The following PTPRS variants were observed in gnomAD, a reference collection of about 807,000 sequenced individuals.
PTPRS encodes protein tyrosine phosphatase receptor type S, also known as receptor-type tyrosine-protein phosphatase S.
Under a neutral mutation model 215.3 loss-of-function variants are expected in PTPRS, and 63 were observed. The ratio of observed to expected loss-of-function variants is 0.29; its 90% CI spans 0.24 to 0.36. The LOEUF (loss-of-function observed/expected upper bound fraction) is 0.36. Ranked by LOEUF, PTPRS falls within the 10% of genes least tolerant of loss-of-function variation. The pLI, the probability that PTPRS is intolerant of heterozygous loss-of-function variation, is 1.00. For synonymous variants in PTPRS, 1,404 were observed against 1,191.4 expected, an observed-to-expected ratio of 1.18 and a Z score of -3.68; for missense variants, 2,258 against 2,825.8, an observed-to-expected ratio of 0.80 and a Z score of 4.56.
intron 1 of PTPRS, among the ~76,000 whole-genome samples, chr19:5,326,785 AGGAAGGAG>A (rs1168534734): frequency 5.9e-5 from 4 of 68,372 alleles, no homozygotes; most frequent in Non-Finnish European, 1.1e-4. Flanking sequence ...AAGAGAAGGA[AGGAAGGAG>A]GGAGGGAGGG....
chr19:5,279,110 C>CG (rs1193606485), intron 2 of PTPRS, among the ~76,000 whole-genome samples: 3 of 151,542 alleles, frequency 2.0e-5, no homozygotes, highest in Non-Finnish European at 4.4e-5. Context: ...CGCTTGAACC[C>CG]GGGAGGTGGA....
intron 2 of PTPRS, among the ~76,000 whole-genome samples, chr19:5,279,929 C>G (rs1312719615): frequency 1.3e-5 from 2 of 152,196 alleles, no homozygotes; most frequent in South Asian, 4.1e-4. Context: ...GTGATCCACC[C>G]ACCTTGGCCT....
chr19:5,219,882 G>A (rs1430330760), intron 22 of PTPRS, 57 bp downstream of exon 22: 8 of 1,556,604 alleles, frequency 5.1e-6, no homozygotes, highest in East Asian at 4.5e-5. Flanking sequence ...CTGGGGAATG[G>A]GGTCTGCCTC....
intron 1 of PTPRS, among the ~76,000 whole-genome samples, chr19:5,308,369 C>G (rs1270998409): frequency 6.6e-6 from 1 of 152,162 alleles, no homozygotes; most frequent in Non-Finnish European, 1.5e-5. Flanking sequence ...AATCATCCAT[C>G]GTCCCCCCAG....
At chr19:5,212,271 C>T (rs753380597) in intron 31 of PTPRS, 21 bp from the exon 32 acceptor site, 25 of 1,608,160 alleles carry the variant, frequency 1.6e-5, no homozygotes, top group Middle Eastern at 1.6e-4. Flanking sequence ...AGCCACGTGG[C>T]GTTCAGGGGC....
At chr19:5,248,867 C>A (rs1416903164) in intron 9 of PTPRS, among the ~76,000 whole-genome samples, 9 of 152,218 alleles carry the variant, frequency 5.9e-5, no homozygotes. Flanking sequence ...GGGTATCCTG[C>A]CGAGAAAGGC....
chr19:5,240,422 C>G, intron 11 of PTPRS, 90 bp from the exon 12 acceptor site: 1 of 1,312,718 alleles, frequency 7.6e-7, no homozygotes, highest in Non-Finnish European at 1.0e-6. Context: ...CTAAAAGATG[C>G]CAGCTCTGGG....
At chr19:5,298,552 C>A (rs2049210022) in intron 1 of PTPRS, among the ~76,000 whole-genome samples, 1 of 152,238 alleles carries the variant, frequency 6.6e-6, no homozygotes, top group Non-Finnish European at 1.5e-5. Flanking sequence ...CTTGCCCATG[C>A]CCAAGGCTCC....
intron 21 of PTPRS, 41 bp from the exon 22 acceptor site, chr19:5,220,195 G>C (rs2041852053): frequency 1.2e-6 from 2 of 1,608,124 alleles, no homozygotes; most frequent in East Asian, 2.2e-5. Context: ...GCTCAGCTGG[G>C]AGCAACAGAG....
chr19:5,241,715 A>G (rs573624077), intron 11 of PTPRS, among the ~76,000 whole-genome samples: 229 of 152,254 alleles, frequency 1.5e-3, no homozygotes, highest in Middle Eastern at 6.8e-3. Flanking sequence ...TGAAAGCCTG[A>G]GCCCCAAAGG....
intron 9 of PTPRS, among the ~76,000 whole-genome samples, chr19:5,252,212 C>T (rs562947834): frequency 1.7e-4 from 26 of 152,216 alleles, no homozygotes; most frequent in Non-Finnish European, 3.5e-4. Flanking sequence ...CAAGACTCTG[C>T]GTTAAATTAT....
chr19:5,229,389 G>T (rs769673223), intron 15 of PTPRS, 47 bp from the exon 16 acceptor site: 6 of 1,364,140 alleles, frequency 4.4e-6, no homozygotes, highest in Non-Finnish European at 5.7e-6. Flanking sequence ...AAGGTGAGCG[G>T]GGGAGGCCAG....
At chr19:5,211,859 C>T (rs951282645) in intron 32 of PTPRS, 91 bp from the exon 33 acceptor site, 2 of 1,571,686 alleles carry the variant, frequency 1.3e-6, no homozygotes, top group Non-Finnish European at 1.7e-6. Context: ...TAGGTAGGGG[C>T]ACCCTGCCAC....
At chr19:5,337,376 C>G (rs2050539340) in intron 1 of PTPRS, among the ~76,000 whole-genome samples, 1 of 152,214 alleles carries the variant, frequency 6.6e-6, no homozygotes, top group East Asian at 1.9e-4. Flanking sequence ...GGTAGAAATG[C>G]CACGTCGCAC....
intron 9 of PTPRS, among the ~76,000 whole-genome samples, chr19:5,247,617 G>T (rs1234770994): frequency 6.6e-6 from 1 of 152,286 alleles, no homozygotes; most frequent in African/African-American, 2.4e-5. Context: ...CGGACTGGAG[G>T]CTCAGTTAGG....
intron 35 of PTPRS, among the ~76,000 whole-genome samples, chr19:5,208,845 G>T (rs1006745077): frequency 2.0e-5 from 3 of 151,978 alleles, no homozygotes; most frequent in African/African-American, 7.3e-5. Context: ...ATCCCATAGT[G>T]CAACCAGCTC....
intron 1 of PTPRS, among the ~76,000 whole-genome samples, chr19:5,304,403 C>CGG (rs2049409092): frequency 6.6e-6 from 1 of 152,040 alleles, no homozygotes; most frequent in Non-Finnish European, 1.5e-5. Flanking sequence ...TCGCTTGAAT[C>CGG]CAGGAGGTAG....
intron 1 of PTPRS, among the ~76,000 whole-genome samples, chr19:5,331,297 A>ATT (rs60930224): frequency 4.7e-5 from 7 of 150,474 alleles, no homozygotes; most frequent in African/African-American, 9.8e-5. Context: ...CCCTCGGCTG[A>ATT]TTTTTTTTTG....
chr19:5,313,643 C>T (rs1448604895), intron 1 of PTPRS, among the ~76,000 whole-genome samples: 1 of 152,090 alleles, frequency 6.6e-6, no homozygotes, highest in Non-Finnish European at 1.5e-5. Flanking sequence ...CAAGGGCAGG[C>T]GGCAGGAGGG....
Sources: gnomAD v4.1 joint callset for allele counts (sites outside exome capture counted in the v4.1 genomes callset) on GRCh38, gnomAD v4.1.1 for gene constraint, MANE v1.5 for transcripts, NCBI Gene and HGNC (gene_info 2026-07-23, HGNC 2026-07-21) for gene names.